Variants in LZTR1 observed in about 807,000 individuals in gnomAD.
LZTR1 encodes leucine zipper like post translational regulator 1.
In LZTR1, 260 loss-of-function variants were observed where a neutral mutation model predicts 105.7. The ratio of observed to expected loss-of-function variants is 2.46; its 90% confidence interval spans 2.22 to 2.72. The LOEUF (loss-of-function observed/expected upper bound fraction) is 2.72, where lower values mean the gene tolerates loss of function less well. Among genes scored for constraint, LZTR1 ranks in the 30% most tolerant of loss-of-function variants. The probability of loss-of-function intolerance (pLI) is 0.00; values close to 1 mark genes in which losing one functional copy is unlikely to be tolerated. For missense variants in LZTR1, 1,214 were observed against 1,166.9 expected (o/e 1.04, Z -0.59); for synonymous variants, 490 against 476.4 (o/e 1.03, Z -0.37).
rs1488541459 is a variant in LZTR1 at position 20,991,774 on chromosome 22, G to T, written c.938G>T (p.Cys313Phe). Reference protein sequence around the residue: ...ADNTLPNELHCYDVDFQTWEV... With the variant: ...ADNTLPNELHFYDVDFQTWEV... ...AACACGCTGCCCAACGAGCTGCACT[G>T]CTATGACGTGGACTTCCAGACCTGG... The change falls in exon 9 of 21, where the codon TGC (cysteine) becomes TTC (phenylalanine). Residue 313 changes from cysteine to phenylalanine, a missense_variant. Coordinates refer to ENST00000646124, the MANE Select transcript of LZTR1 (RefSeq NM_006767.4). 1 of 1,555,096 alleles carries T rather than the reference G, an allele frequency of 6.4e-7. No individual in the cohort carries two copies. The highest frequency in any genetic ancestry group is 1.9e-5 in the Admixed American group (1 of 51,284).
rs137977968 is a variant in LZTR1 at position 20,987,482 on chromosome 22, ACCACCCCTGTGC to A, written c.321-14_321-3del. On this transcript the variant is annotated splice_polypyrimidine_tract_variant and intron_variant, in intron 3 of 20. Coordinates refer to ENST00000646124, the MANE Select transcript of LZTR1 (RefSeq NM_006767.4). ...TCATGGGTGACCCCCGCTGACTCTC[ACCACCCCTGTGC>A]CCACCCCAGGGCCTTTACCACTGGG... 3.4e-3 allele frequency: 5,219 copies of A among 1,523,988 alleles called. 152 individuals carry two copies. In the African/African-American group the frequency reaches 0.061, roughly 18 times the overall value. 94.4% of individuals were successfully genotyped at this position (1,523,988 alleles called of 1,614,324 possible).
Position 20,987,254 on chromosome 22 carries a change from C to T in LZTR1, c.321-250C>T, listed in dbSNP as rs1356599742. 59 of 425,712 alleles carry T rather than the reference C, an allele frequency of 1.4e-4. No individual in the cohort carries two copies. The Admixed American group carries it at 2.1e-3, about 15-fold the overall frequency. 26.4% of individuals were successfully genotyped at this position (425,712 alleles called of 1,614,324 possible). ...ACAAAAATACAAAAAATTAGCTGGG[C>T]ATGATGGTGGGTGCCTGTAATCCCA... On this transcript the variant is annotated intron_variant, in intron 3 of 20. Transcript: ENST00000646124.
Position 20,996,912 on chromosome 22 carries a change from G to A in LZTR1, c.2352G>A (p.Gln784=). Residue 784 remains glutamine (Q), a synonymous_variant, in exon 20 of 21, where the codon CAG becomes CAA. Coordinates refer to ENST00000646124, the MANE Select transcript of LZTR1 (RefSeq NM_006767.4). ...TCCTGGAGGCAGCTGACAAAACGCA[G>A]GCACTGGACATGAAGCGGCACTGCC... ...LQILEAADKT[Q]ALDMKRHCLH... 1 of 1,613,016 alleles carries A rather than the reference G, an allele frequency of 6.2e-7. No homozygotes were observed. The highest frequency in any genetic ancestry group is 8.5e-7 in the Non-Finnish European group (1 of 1,179,468).
chr22:20,983,572 C>T (rs1325276847), intron 2 of LZTR1, among the ~76,000 whole-genome samples: 2 of 152,238 alleles, frequency 1.3e-5, no homozygotes, highest in Non-Finnish European at 2.9e-5. Context: ...TAAGTTGTGG[C>T]TGGTTTCCTT....
In LZTR1 at chr22:20,995,767, T is replaced by C. The variant is rs199696566; in HGVS notation, c.1964T>C (p.Met655Thr). The change falls in exon 17 of 21, where the codon ATG (methionine) becomes ACG (threonine). Residue 655 changes from methionine to threonine, a missense_variant. Coordinates refer to ENST00000646124, the MANE Select transcript of LZTR1 (RefSeq NM_006767.4). ...VDIGTSLIQDMKAYLEGAGAE... is the reference protein window; with the variant it reads ...VDIGTSLIQDTKAYLEGAGAE... ...CCAGGCACATCTCTGATCCAGGACATGAAGGCATACCTGGAGGGAGCGGGC... is the reference window on the plus strand; with the variant it reads ...CCAGGCACATCTCTGATCCAGGACACGAAGGCATACCTGGAGGGAGCGGGC... The C allele has an allele frequency of 8.7e-6, 14 of 1,613,480 alleles. No homozygotes were observed. The highest frequency in any genetic ancestry group is 6.7e-5 in the East Asian group (3 of 44,860).
chr22:20,997,127 G>T, intron 20 of LZTR1, 105 bp from the exon 21 acceptor site: 1 of 1,123,686 alleles, frequency 8.9e-7, no homozygotes, highest in African/African-American at 1.5e-5. Context: ...TCATCCTTGG[G>T]ACCAGCCTGA....
rs375788038 is a variant in LZTR1, at chr22:20,982,426, G to C, written c.55G>C (p.Gly19Arg). 2.5e-6 allele frequency: 4 copies of C among 1,576,618 alleles called. No individual in the cohort carries two copies. The highest frequency in any genetic ancestry group is 3.4e-6 in the Non-Finnish European group (4 of 1,160,840). The change falls in exon 1 of 21, where the codon GGC becomes CGC. Residue 19 changes from glycine to arginine, a missense_variant. Coordinates refer to ENST00000646124, the MANE Select transcript of LZTR1 (RefSeq NM_006767.4). ...GQIGAAALAG[G>R]ARSKVAPSVD... ...GATCGGGGCTGCGGCCCTGGCAGGC[G>C]GCGCGCGGTCCAAGGTAGCCCCGAG...
rs764446835 is a variant in LZTR1 at position 20,993,996 on chromosome 22, C to T, written c.1426C>T (p.Gln476Ter). Residue 476 changes from glutamine to a stop codon, truncating the protein, a stop_gained, in exon 13 of 21, where the codon CAG becomes TAG. Coordinates refer to ENST00000646124, the MANE Select transcript of LZTR1 (RefSeq NM_006767.4). LOFTEE classifies it high-confidence loss of function. Reference sequence around the variant, plus strand: ...CCGCTGGCTTCGCAGGAAGATCACGCAGGCGCGGGAGAGGCTGGCCCAGGT... The same window carrying T: ...CCGCTGGCTTCGCAGGAAGATCACGTAGGCGCGGGAGAGGCTGGCCCAGGT... ...RSRWLRRKIT[Q>*]ARERLAQKLE... The T allele has an allele frequency of 6.2e-6, 10 of 1,611,086 alleles. No homozygotes were observed. The highest frequency in any genetic ancestry group is 7.6e-6 in the Non-Finnish European group (9 of 1,179,510).
Position 20,994,550 on chromosome 22 carries a change from G to T in LZTR1, c.1616-8G>T, listed in dbSNP as rs750618522. ...GGCTCCCTGAGATTCGGGGGCTCTG[G>T]GGCGCAGGCCATGTGGAGGATGTGC... On this transcript the variant is annotated splice_polypyrimidine_tract_variant and splice_region_variant and intron_variant, in intron 14 of 20. Coordinates refer to ENST00000646124, the MANE Select transcript of LZTR1 (RefSeq NM_006767.4). The T allele has an allele frequency of 6.2e-7, 1 of 1,606,904 alleles. No homozygotes were observed. Among genetic ancestry groups the T allele is most frequent in the South Asian group, 1.1e-5 (1 of 91,042 alleles).
intron 3 of LZTR1, 113 bp downstream of exon 3, chr22:20,986,010 T>C: frequency 4.3e-6 from 5 of 1,164,322 alleles, no homozygotes; most frequent in Non-Finnish European, 6.2e-6. Flanking sequence ...AGAAAGAAGC[T>C]TCCAGGAGGA....
rs774445703 is a variant in LZTR1, at chr22:20,995,711, AGGCTGTACCTGCTCAG to A, written c.1943-32_1943-17del. 6 of 1,611,704 alleles carry A rather than the reference AGGCTGTACCTGCTCAG, an allele frequency of 3.7e-6. No individual in the cohort carries two copies. The African/African-American group carries it at 5.3e-5, about 14-fold the overall frequency. On this transcript the variant is annotated intron_variant, in intron 16 of 20. Transcript: ENST00000646124. Reference sequence around the variant, plus strand: ...CGTGGGGCCCCAAGGCCAGAATCCCAGGCTGTACCTGCTCAGGGACCCTCCTACCCCCAGGCACATC... The same window carrying A: ...CGTGGGGCCCCAAGGCCAGAATCCCAGGACCCTCCTACCCCCAGGCACATC...
At position 20,997,791 on chromosome 22, in the gene LZTR1, C is replaced by T. The variant is rs1924927638; in HGVS notation, c.*443C>T. ...GCTTAGCAGACTTGCGCTGCACCAG[C>T]GAATCTGCCTGGGCTGCTCCTGTCC... On this transcript the variant is annotated 3_prime_UTR_variant, in exon 21 of 21. Transcript: ENST00000646124. 1 of 165,884 alleles carries T rather than the reference C, an allele frequency of 6.0e-6. No homozygotes were observed. The highest frequency in any genetic ancestry group is 1.3e-5 in the Non-Finnish European group (1 of 75,722). The allele number at this position is 165,884 out of a possible 1,614,324, so 10.3% of individuals were successfully genotyped here.
rs1289683353 is a variant in LZTR1 at position 20,994,213 on chromosome 22, CCTT to C, written c.1561_1563del (p.Phe521del). 6.2e-7 allele frequency: 1 copy of C among 1,601,700 alleles called. No homozygotes were observed. Among genetic ancestry groups the C allele is most frequent in the Non-Finnish European group, 8.5e-7 (1 of 1,179,344 alleles). ...GCCATCCGGGAGGCCGAGGCCCGGC[CCTT>C]CGAGGTGCTCATGCAGTTCCTCTAC... On this transcript the variant is annotated inframe_deletion, in exon 14 of 21. Coordinates refer to ENST00000646124, the MANE Select transcript of LZTR1 (RefSeq NM_006767.4).
intron 1 of LZTR1, 51 bp downstream of exon 1, chr22:20,982,622 G>C: frequency 6.4e-7 from 1 of 1,572,680 alleles, no homozygotes; most frequent in South Asian, 1.1e-5. Context: ...ATCTGCGAGG[G>C]TCCCAGGGCG....
chr22:20,994,052 C>T (rs1350341562), intron 13 of LZTR1, 33 bp downstream of exon 13: 1 of 1,590,758 alleles, frequency 6.3e-7, no homozygotes, highest in Non-Finnish European at 8.5e-7. Flanking sequence ...CCTGACCTGG[C>T]AGCCATGCCT....
At chr22:20,990,364 G>T (rs372809842) in intron 7 of LZTR1, 22 bp from the exon 8 acceptor site, 132 of 1,613,936 alleles carry the variant, frequency 8.2e-5, no homozygotes, top group Non-Finnish European at 1.1e-4. Flanking sequence ...GGCCGGGGCT[G>T]AGCTGTCCTC....
intron 16 of LZTR1, chr22:20,995,443 C>T (rs1345687004): frequency 1.6e-6 from 1 of 636,432 alleles, no homozygotes; most frequent in African/African-American, 1.8e-5. Flanking sequence ...TCTGCAGGCA[C>T]CAGAGGCCAT....
intron 18 of LZTR1, 66 bp from the exon 19 acceptor site, chr22:20,996,630 C>G: frequency 7.2e-7 from 1 of 1,393,806 alleles, no homozygotes; most frequent in Non-Finnish European, 1.0e-6. Flanking sequence ...GCGCCCTTCC[C>G]TGTCCTTCCC....
rs1025926460 is a variant in LZTR1 at position 20,983,172 on chromosome 22, T to C, written c.263+83T>C. On this transcript the variant is annotated intron_variant, in intron 2 of 20. Coordinates refer to ENST00000646124, the MANE Select transcript of LZTR1 (RefSeq NM_006767.4). ...GACTGGGCCTGTCCAGCTCCATTAC[T>C]GTCCTTTCAGATGCTAGCTGGTGCC... is the stretch of plus-strand genomic sequence containing the variant. 2.4e-6 allele frequency: 3 copies of C among 1,230,932 alleles called. No homozygotes were observed. In the African/African-American group the frequency reaches 4.4e-5, roughly 18 times the overall value. 76.3% of individuals were successfully genotyped at this position (1,230,932 alleles called of 1,614,324 possible).
Sources: gnomAD v4.1 joint callset for allele counts (sites outside exome capture counted in the v4.1 genomes callset) on GRCh38, gnomAD v4.1.1 for gene constraint, MANE v1.5 for transcripts, NCBI Gene and HGNC (gene_info 2026-07-23, HGNC 2026-07-21) for gene names.